Variants in GATA3 observed in about 807,000 individuals in gnomAD.
The protein encoded by GATA3 is GATA binding protein 3.
GATA3 carries 6 observed loss-of-function variants against 36.0 expected under a neutral mutation model. That is an observed-to-expected ratio of 0.17 (90% CI 0.09 to 0.33). GATA3 has a LOEUF of 0.33. Ranked by LOEUF, GATA3 falls within the 10% of genes least tolerant of loss-of-function variation. GATA3 has a pLI of 1.00. For missense variants in GATA3, 514 were observed against 610.1 expected, an observed-to-expected ratio of 0.84 and a Z score of 1.66; for synonymous variants, 326 against 273.0, an observed-to-expected ratio of 1.19 and a Z score of -1.92.
chr10:8,074,121 T>C lies in GATA3; in HGVS notation c.*98T>C. The stretch of plus-strand genomic sequence containing the variant: ...GCAGTATCATGAAGCCTAAACGCGA[T>C]GGATATATGTTTTTGAAGGCAGAAA... On this transcript the variant is annotated 3_prime_UTR_variant, in exon 6 of 6. Coordinates refer to ENST00000379328, the MANE Select transcript of GATA3 (RefSeq NM_001002295.2). 7.3e-7 allele frequency: 1 copy of C among 1,372,244 alleles called. No individual in the cohort carries two copies. The allele number at this position is 1,372,244 out of a possible 1,614,324, so 85.0% of individuals were successfully genotyped here.
At chr10:8,056,780 G>A (rs940444342) in intron 2 of GATA3, among the ~76,000 whole-genome samples, 1 of 152,096 alleles carries the variant, frequency 6.6e-6, no homozygotes, top group Non-Finnish European at 1.5e-5. Context: ...AGAAGTTCAG[G>A]AGAGTTCTGA....
At chr10:8,058,036 C>G (rs1341241147) in intron 2 of GATA3, among the ~76,000 whole-genome samples, 1 of 152,150 alleles carries the variant, frequency 6.6e-6, no homozygotes, top group East Asian at 1.9e-4. Flanking sequence ...AGCAACCTCT[C>G]GGGTGTCAGC....
upstream of GATA3, among the ~76,000 whole-genome samples, chr10:8,049,162 A>G (rs994744426): frequency 2.7e-5 from 4 of 148,032 alleles, no homozygotes; most frequent in Non-Finnish European, 6.0e-5. Flanking sequence ...GGGTAAATCA[A>G]ATCACATACC....
chr10:8,045,750 T>C (rs565381955), intron 1 of GATA3, among the ~76,000 whole-genome samples: 16 of 152,154 alleles, frequency 1.1e-4, no homozygotes, highest in South Asian at 2.1e-4. Flanking sequence ...AGGAAAGAGC[T>C]GGTAGAAGTA....
At chr10:8,047,298 G>T (rs1243866846) in intron 1 of GATA3, among the ~76,000 whole-genome samples, 1 of 152,198 alleles carries the variant, frequency 6.6e-6, no homozygotes, top group Non-Finnish European at 1.5e-5. Flanking sequence ...ACCATAGGAG[G>T]TGGCAGGGAA....
In GATA3 at chr10:8,075,188, T is replaced by C. The variant is rs1229785782; in HGVS notation, c.*1165T>C. ...TAAGCATAATAATAAAGTGAAAATA[T>C]TTTAAAACTACAAAATGACATCGTA... On this transcript the variant is annotated 3_prime_UTR_variant, in exon 6 of 6. Coordinates refer to ENST00000379328, the MANE Select transcript of GATA3 (RefSeq NM_001002295.2). 2 of 227,554 alleles carry C rather than the reference T, an allele frequency of 8.8e-6. No homozygotes were observed. Among genetic ancestry groups the C allele is most frequent in the Non-Finnish European group, 1.7e-5 (2 of 114,504 alleles). The allele number at this position is 227,554 out of a possible 1,614,324, so 14.1% of individuals were successfully genotyped here.
intron 1 of GATA3, among the ~76,000 whole-genome samples, chr10:8,046,314 C>T (rs263425): frequency 0.045 from 6,793 of 152,252 alleles, 509 homozygotes; most frequent in African/African-American, 0.16. Flanking sequence ...TTCTTTCTCT[C>T]GGACACCAAC....
chr10:8,046,369 G>A (rs1183673074), intron 1 of GATA3, among the ~76,000 whole-genome samples: 1 of 152,206 alleles, frequency 6.6e-6, no homozygotes, highest in East Asian at 1.9e-4. Context: ...GCAAGGGCAG[G>A]GGGGAAAGTG....
Position 8,074,148 on chromosome 10 carries a change from C to A in GATA3, c.*125C>A, listed in dbSNP as rs911284595. ...GATATATGTTTTTGAAGGCAGAAAG[C>A]AAAATTATGTTTGCCACTTTGCAAA... On this transcript the variant is annotated 3_prime_UTR_variant, in exon 6 of 6. Coordinates refer to ENST00000379328, the MANE Select transcript of GATA3 (RefSeq NM_001002295.2). 7.1e-6 allele frequency: 8 copies of A among 1,128,402 alleles called. No individual in the cohort carries two copies. Among genetic ancestry groups the A allele is most frequent in the Non-Finnish European group, 9.9e-6 (8 of 807,170 alleles). 69.9% of individuals were successfully genotyped at this position (1,128,402 alleles called of 1,614,324 possible).
chr10:8,059,511 C>A (rs1027530933), intron 3 of GATA3, among the ~76,000 whole-genome samples: 5 of 152,170 alleles, frequency 3.3e-5, no homozygotes, highest in East Asian at 1.9e-4. Flanking sequence ...TTACCTGCAG[C>A]GTCTCCTAGA....
chr10:8,061,165 T>C (rs781638986), intron 3 of GATA3, among the ~76,000 whole-genome samples: 12 of 151,646 alleles, frequency 7.9e-5, no homozygotes, highest in Non-Finnish European at 1.3e-4. Context: ...GTTTTTGGGG[T>C]TGTCGCTGGA....
chr10:8,045,705 G>A (rs1832378878), intron 1 of GATA3, among the ~76,000 whole-genome samples: 3 of 152,318 alleles, frequency 2.0e-5, no homozygotes, highest in South Asian at 4.1e-4. Context: ...CCTTGGGCGG[G>A]TACGGTGTGT....
chr10:8,059,393 T>C (rs573936877), intron 3 of GATA3, among the ~76,000 whole-genome samples: 2 of 152,312 alleles, frequency 1.3e-5, no homozygotes, highest in African/African-American at 4.8e-5. Flanking sequence ...GCTGCACGCA[T>C]ATTCTCTGCG....
upstream of GATA3, chr10:8,051,293 A>G (rs1014627861): frequency 4.1e-5 from 12 of 292,992 alleles, no homozygotes; most frequent in Non-Finnish European, 8.0e-5. Flanking sequence ...CTTGACGCCT[A>G]AAGCAGCCGC....
chr10:8,069,484 G>A lies in GATA3; in HGVS notation c.936G>A (p.Arg312=), dbSNP rs2131511578. The A allele has an allele frequency of 5.0e-6, 8 of 1,613,822 alleles. No individual in the cohort carries two copies. The highest frequency in any genetic ancestry group is 6.8e-6 in the Non-Finnish European group (8 of 1,179,960). ...CTCCCCACTCTCAGTCTGCAGCCAG[G>A]AGAGCAGGGACGTCCTGTGCGAACT... The part of the protein sequence containing the change: ...IKPKRRLSAA[R]RAGTSCANCQ... Residue 312 remains arginine (R), a synonymous_variant, in exon 5 of 6, where the codon AGG becomes AGA. Transcript: ENST00000379328.
intron 3 of GATA3, among the ~76,000 whole-genome samples, chr10:8,059,370 G>A (rs983942060): frequency 6.6e-6 from 1 of 152,192 alleles, no homozygotes; most frequent in Non-Finnish European, 1.5e-5. Context: ...GTGTGTGCAT[G>A]AGCCTGGCCA....
At chr10:8,051,408 G>A (rs932490889), upstream of GATA3, 10 of 219,510 alleles carry the variant, frequency 4.6e-5, no homozygotes, top group Admixed American at 5.7e-4. Flanking sequence ...TCGCCTGCTC[G>A]GCTGCGGGAT....
chr10:8,051,201 G>T (rs745503257), upstream of GATA3: 1 of 458,226 alleles, frequency 2.2e-6, no homozygotes, highest in East Asian at 6.7e-5. Context: ...GGGTGTGTGT[G>T]GTAGCTTAAC....
At chr10:8,046,190 G>C (rs1402641360) in intron 1 of GATA3, among the ~76,000 whole-genome samples, 1 of 152,204 alleles carries the variant, frequency 6.6e-6, no homozygotes, top group African/African-American at 2.4e-5. Flanking sequence ...CGGGACAGCA[G>C]ACCAACAGAC....
Sources: gnomAD v4.1 joint callset for allele counts (sites outside exome capture counted in the v4.1 genomes callset) on GRCh38, gnomAD v4.1.1 for gene constraint, MANE v1.5 for transcripts, NCBI Gene and HGNC (gene_info 2026-07-23, HGNC 2026-07-21) for gene names.